The following SPART variants were observed in gnomAD, a reference collection of about 807,000 sequenced individuals.
The protein encoded by SPART is spastic paraplegia 20 (Troyer syndrome).
A neutral mutation model predicts 58.7 loss-of-function variants in SPART; 35 were observed. The ratio of observed to expected loss-of-function variants is 0.60; its 90% CI spans 0.46 to 0.79. The LOEUF is 0.79. SPART is among the 30% of genes least tolerant of loss of function. SPART has a pLI of 0.00. For synonymous variants in SPART, 284 were observed against 280.7 expected (o/e 1.01, Z -0.12); for missense variants, 730 against 786.1 (o/e 0.93, Z 0.85).
chr13:36,334,110 T>G (rs1883728685), intron 2 of SPART, among the ~76,000 whole-genome samples: 1 of 152,232 alleles, frequency 6.6e-6, no homozygotes, highest in Admixed American at 6.5e-5. Context: ...ACATCTGTTT[T>G]GCTTAAATAG....
At position 36,312,426 on chromosome 13, in the gene SPART, T is replaced by G. The variant is rs1478402426; in HGVS notation, c.1535A>C (p.His512Pro). The G allele has an allele frequency of 6.2e-7, 1 of 1,614,156 alleles. No homozygotes were observed. The highest frequency in any genetic ancestry group is 2.2e-5 in the East Asian group (1 of 44,868). ...ANCVGKELAPHVKKHGSKLVP... is the reference protein window; with the variant it reads ...ANCVGKELAPPVKKHGSKLVP... ...AAGTTTGCTTCCATGCTTCTTGACA[T>G]GTGGAGCTAGTTCTTTTCCAACGCA... The change falls in exon 7 of 9, where the codon CAT becomes CCT. Residue 512 changes from histidine (H) to proline (P), a missense_variant. His to Pro is a moderately conservative substitution (Grantham distance 77). Coordinates refer to ENST00000438666, the MANE Select transcript of SPART (RefSeq NM_015087.5).
At chr13:36,316,082 T>C (rs186619943) in intron 5 of SPART, among the ~76,000 whole-genome samples, 3 of 152,372 alleles carry the variant, frequency 2.0e-5, no homozygotes, top group Non-Finnish European at 4.4e-5. Flanking sequence ...ATGCCAGATA[T>C]AGATTGATTC....
chr13:36,327,321 A>G (rs77957157), intron 4 of SPART, among the ~76,000 whole-genome samples: 1,914 of 152,324 alleles, frequency 0.013, 38 homozygotes, highest in African/African-American at 0.044. Flanking sequence ...CAGACCTCAT[A>G]GTATTAATAT....
rs556738380 is a variant in SPART, at chr13:36,302,133, GGAA to G, written c.*2229_*2231del. 2.0e-5 allele frequency: 3 copies of G among 152,220 alleles called. No homozygotes were observed. The East Asian group carries it at 5.8e-4, about 29-fold the overall frequency. 9.4% of individuals were successfully genotyped at this position (152,220 alleles called of 1,614,324 possible). A position where few individuals can be genotyped will look rare whatever the true frequency, so the allele number is the denominator to read the frequency against. On this transcript the variant is annotated 3_prime_UTR_variant, in exon 9 of 9. Coordinates refer to ENST00000438666, the MANE Select transcript of SPART (RefSeq NM_015087.5). ...ACATGGGGAAAGAGGTAAGAAAATA[GGAA>G]GAACATACATATAGGTAATTGGCAG... is the stretch of plus-strand genomic sequence containing the variant.
upstream of SPART, among the ~76,000 whole-genome samples, chr13:36,351,057 T>A (rs1030560344): frequency 1.3e-5 from 2 of 152,198 alleles, no homozygotes; most frequent in Admixed American, 1.3e-4. Flanking sequence ...GCCACCTTCA[T>A]CTCACAGTTG....
chr13:36,354,386 G>A (rs566114387), intron 1 of SPART, among the ~76,000 whole-genome samples: 40 of 151,868 alleles, frequency 2.6e-4, no homozygotes, highest in Non-Finnish European at 4.4e-4. Context: ...GGAATATTCT[G>A]TTCTGATAAG....
chr13:36,308,287 A>G (rs1184826972), intron 8 of SPART: 1 of 152,186 alleles, frequency 6.6e-6, no homozygotes, highest in East Asian at 1.9e-4. Context: ...AGTATTACTT[A>G]GATAAAATCT....
intron 1 of SPART, among the ~76,000 whole-genome samples, chr13:36,351,765 A>G (rs1039406995): frequency 1.3e-5 from 2 of 152,212 alleles, no homozygotes; most frequent in African/African-American, 4.8e-5. Flanking sequence ...AGTTTCAATC[A>G]TAAATTATGC....
At chr13:36,363,313 A>T (rs897703317) in intron 1 of SPART, among the ~76,000 whole-genome samples, 1 of 152,040 alleles carries the variant, frequency 6.6e-6, no homozygotes, top group African/African-American at 2.4e-5. Flanking sequence ...TCTCTTTCCT[A>T]GTGTTTGGGA....
chr13:36,364,170 GTGACTGTAACTATCTT>G lies in SPART; in HGVS notation c.-3+5903_-3+5918del, dbSNP rs1230683776. Among the ~76,000 whole-genome samples, 3 of 152,060 alleles carry G rather than the reference GTGACTGTAACTATCTT, an allele frequency of 2.0e-5. No individual in the cohort carries two copies. The East Asian group carries it at 5.8e-4, about 29-fold the overall frequency. Reference sequence around the variant, plus strand: ...TCCCTGGACCCTCTTATTAGTAATAGTGACTGTAACTATCTTTTCTATTTGGATAATTCTCCAATGT... The same window carrying G: ...TCCCTGGACCCTCTTATTAGTAATAGTTCTATTTGGATAATTCTCCAATGT... On this transcript the variant is annotated intron_variant, in intron 1 of 8. Transcript: ENST00000355182.
intron 1 of SPART, among the ~76,000 whole-genome samples, chr13:36,344,035 T>TA (rs35639781): frequency 0.27 from 34,390 of 129,668 alleles, 4,664 homozygotes; most frequent in East Asian, 0.51. Flanking sequence ...CTTGTCTCTT[T>TA]AAAAAAAAAA....
At chr13:36,330,799 TTTC>T (rs1470983809) in intron 3 of SPART, among the ~76,000 whole-genome samples, 1 of 152,158 alleles carries the variant, frequency 6.6e-6, no homozygotes. Flanking sequence ...TAAATCATAT[TTTC>T]TTTTTATTTT....
upstream of SPART, among the ~76,000 whole-genome samples, chr13:36,351,381 A>T (rs1006972111): frequency 6.6e-6 from 1 of 151,936 alleles, no homozygotes; most frequent in African/African-American, 2.4e-5. Flanking sequence ...TCTTGCTGAC[A>T]TTCTTTAATG....
At chr13:36,320,583 TCTACTA>T (rs1162416975) in intron 5 of SPART, among the ~76,000 whole-genome samples, 1 of 152,176 alleles carries the variant, frequency 6.6e-6, no homozygotes, top group Admixed American at 6.5e-5. Flanking sequence ...CATCTGCTAT[TCTACTA>T]CTCCTCAGGG....
chr13:36,316,745 T>C (rs1224891525), intron 5 of SPART, among the ~76,000 whole-genome samples: 1 of 152,164 alleles, frequency 6.6e-6, no homozygotes, highest in Non-Finnish European at 1.5e-5. Context: ...GCCTGTTTGG[T>C]GGTCTCTTCA....
At chr13:36,360,247 A>G (rs1253938992) in intron 1 of SPART, among the ~76,000 whole-genome samples, 1 of 151,980 alleles carries the variant, frequency 6.6e-6, no homozygotes, top group Non-Finnish European at 1.5e-5. Flanking sequence ...GTGAGCCAAG[A>G]TTGCGCCACT....
chr13:36,337,499 T>C (rs1488242543), intron 1 of SPART, among the ~76,000 whole-genome samples: 1 of 152,244 alleles, frequency 6.6e-6, no homozygotes, highest in Admixed American at 6.5e-5. Flanking sequence ...CTGATGGTTT[T>C]ATAAGGCAGT....
Position 36,335,538 on chromosome 13 carries a change from C to A in SPART, c.293G>T (p.Gly98Val), listed in dbSNP as rs1239774322. 3 of 1,614,144 alleles carry A rather than the reference C, an allele frequency of 1.9e-6. No homozygotes were observed. The highest frequency in any genetic ancestry group is 3.3e-5 in the Admixed American group (2 of 60,010). ...ATCATTCTGCAGAGAAGTGGCAAGA[C>A]CCTTCTCTAGAATTTCCAGCCTGGT... ...VRTRLEILEK[G>V]LATSLQNDLQ... Residue 98 changes from glycine (G) to valine (V), a missense_variant, in exon 2 of 9, where the codon GGT becomes GTT. Gly to Val is a moderately radical substitution (Grantham distance 109, BLOSUM62 -3). Transcript: ENST00000438666.
intron 5 of SPART, chr13:36,326,166 A>T: frequency 3.9e-6 from 1 of 253,696 alleles, no homozygotes; most frequent in Non-Finnish European, 7.7e-6. Context: ...CCCACCTCCT[A>T]AAACCATCAC....
Sources: gnomAD v4.1 joint callset for allele counts (sites outside exome capture counted in the v4.1 genomes callset) on GRCh38, gnomAD v4.1.1 for gene constraint, MANE v1.5 for transcripts, NCBI Gene and HGNC (gene_info 2026-07-23, HGNC 2026-07-21) for gene names.